The following RORA variants were observed in gnomAD, a reference collection of about 807,000 sequenced individuals.
The protein encoded by RORA is RAR related orphan receptor A, also known as nuclear receptor ROR-alpha.
A neutral mutation model predicts 69.5 loss-of-function variants in RORA; 7 were observed. The ratio of observed to expected loss-of-function variants is 0.10; its 90% confidence interval spans 0.06 to 0.19. The LOEUF is 0.19. Ranked by LOEUF, RORA falls within the 10% of genes least tolerant of loss-of-function variation. The probability of loss-of-function intolerance (pLI) is 1.00; values close to 1 mark genes in which losing one functional copy is unlikely to be tolerated. For synonymous variants in RORA, 261 were observed against 240.8 expected, an observed-to-expected ratio of 1.08 and a Z score of -0.78; for missense variants, 457 against 663.0, an observed-to-expected ratio of 0.69 and a Z score of 3.41.
intron 2 of RORA, among the ~76,000 whole-genome samples, chr15:60,668,577 G>C (rs2070414939): frequency 6.6e-6 from 1 of 152,176 alleles, no homozygotes; most frequent in South Asian, 2.1e-4. Flanking sequence ...TCGGGGGACA[G>C]AGTTTAGTTT....
chr15:60,840,715 C>A (rs1309850522), intron 1 of RORA, among the ~76,000 whole-genome samples: 1 of 152,252 alleles, frequency 6.6e-6, no homozygotes, highest in East Asian at 1.9e-4. Flanking sequence ...CTTACCCAGC[C>A]TCTCTGGACA....
At chr15:60,942,941 G>C (rs1892745187) in intron 1 of RORA, among the ~76,000 whole-genome samples, 1 of 152,220 alleles carries the variant, frequency 6.6e-6, no homozygotes. Context: ...TGAAATTGCA[G>C]CTCACTGAAG....
intron 1 of RORA, among the ~76,000 whole-genome samples, chr15:61,160,553 G>A (rs996931218): frequency 1.3e-4 from 20 of 152,160 alleles, no homozygotes; most frequent in Admixed American, 1.2e-3. Context: ...AAACAACGGC[G>A]AAGAAGGGGA....
intron 1 of RORA, among the ~76,000 whole-genome samples, chr15:60,897,095 C>A (rs1053847974): frequency 2.0e-5 from 3 of 151,848 alleles, no homozygotes; most frequent in Non-Finnish European, 4.4e-5. Flanking sequence ...GTTTAATGGG[C>A]GGTAGTGGGA....
At chr15:60,890,324 C>G (rs2073799697) in intron 1 of RORA, among the ~76,000 whole-genome samples, 1 of 152,166 alleles carries the variant, frequency 6.6e-6, no homozygotes, top group African/African-American at 2.4e-5. Flanking sequence ...CATTTAATGC[C>G]ACTCTTTAAC....
chr15:60,821,447 TC>T (rs2072892845), intron 1 of RORA, among the ~76,000 whole-genome samples: 9 of 152,186 alleles, frequency 5.9e-5, no homozygotes, highest in Non-Finnish European at 1.0e-4. Flanking sequence ...GCCTGCTCCT[TC>T]TTCCTTTCAC....
chr15:61,100,112 C>CTTTT (rs911036920), intron 1 of RORA, among the ~76,000 whole-genome samples: 12 of 119,054 alleles, frequency 1.0e-4, no homozygotes, highest in Non-Finnish European at 1.2e-4. Context: ...GGTCAATTTT[C>CTTTT]TTTTTTTTTT....
intron 2 of RORA, among the ~76,000 whole-genome samples, chr15:60,591,652 G>A (rs1425701418): frequency 6.6e-6 from 1 of 152,178 alleles, no homozygotes; most frequent in Non-Finnish European, 1.5e-5. Context: ...GATCCCGTGG[G>A]CTGCCGAGTT....
At chr15:60,702,271 G>A (rs1004782149) in intron 1 of RORA, among the ~76,000 whole-genome samples, 2 of 152,140 alleles carry the variant, frequency 1.3e-5, no homozygotes, top group Non-Finnish European at 2.9e-5. Context: ...TGTCACCCAG[G>A]CTGGAGTGCA....
intron 1 of RORA, among the ~76,000 whole-genome samples, chr15:61,008,829 A>G (rs139214636): frequency 6.6e-6 from 1 of 152,174 alleles, no homozygotes; most frequent in Admixed American, 6.5e-5. Context: ...ATGTTGATGT[A>G]GAAAAATTGC....
rs2079192249 is a variant in RORA at position 61,131,776 on chromosome 15, G to A, written c.166+97277C>T. Among the ~76,000 whole-genome samples the A allele has an allele frequency of 1.3e-5, 2 of 152,208 alleles. No homozygotes were observed. Among genetic ancestry groups the A allele is most frequent in the African/African-American group, 2.4e-5 (1 of 41,446 alleles). On this transcript the variant is annotated intron_variant, in intron 1 of 10. Transcript: ENST00000335670. This position sits in a 1 kb window ranked among gnomAD's most constrained non-coding sequence, Gnocchi z 4.2. ...GTGGGCAGGGCTGGGGAAGGAGTAGGGCAGGAGTGAGAAAAATGAAACTGG... is the reference window on the plus strand; with the variant it reads ...GTGGGCAGGGCTGGGGAAGGAGTAGAGCAGGAGTGAGAAAAATGAAACTGG...
At chr15:60,739,648 G>A (rs939432271) in intron 1 of RORA, among the ~76,000 whole-genome samples, 2 of 152,058 alleles carry the variant, frequency 1.3e-5, no homozygotes, top group Admixed American at 6.5e-5. Context: ...ACTCAGTCTG[G>A]GGGAAGGTGA....
At chr15:61,087,479 T>C (rs2078641814) in intron 1 of RORA, among the ~76,000 whole-genome samples, 1 of 152,210 alleles carries the variant, frequency 6.6e-6, no homozygotes, top group South Asian at 2.1e-4. Flanking sequence ...CCTATTCTAT[T>C]CAAAGTGCTA....
intron 1 of RORA, among the ~76,000 whole-genome samples, chr15:61,003,223 T>C (rs1203414679): frequency 2.0e-5 from 3 of 152,084 alleles, no homozygotes; most frequent in African/African-American, 7.2e-5. Context: ...ATATAGGCTA[T>C]ATAGTATGCA....
intron 1 of RORA, among the ~76,000 whole-genome samples, chr15:61,032,549 T>G (rs965328250): frequency 1.3e-5 from 2 of 152,170 alleles, no homozygotes. Context: ...CACATGACAA[T>G]CATATGGAGT....
intron 1 of RORA, among the ~76,000 whole-genome samples, chr15:60,770,068 G>C (rs2072050963): frequency 1.3e-5 from 2 of 152,180 alleles, no homozygotes; most frequent in Admixed American, 6.5e-5. Flanking sequence ...TTTTGATTGG[G>C]TAGGAGTGTT....
At chr15:60,851,009 T>G (rs531717479) in intron 1 of RORA, among the ~76,000 whole-genome samples, 28 of 152,194 alleles carry the variant, frequency 1.8e-4, no homozygotes, top group Non-Finnish European at 3.5e-4. Flanking sequence ...TCATTCAGTC[T>G]GTTGCTGAGT....
intron 1 of RORA, among the ~76,000 whole-genome samples, chr15:61,201,830 GCTTA>G: frequency 6.6e-6 from 1 of 152,054 alleles, no homozygotes. Context: ...ACATTTCCAT[GCTTA>G]CTTTTGCAAG....
intron 1 of RORA, among the ~76,000 whole-genome samples, chr15:60,855,785 T>A (rs1159032720): frequency 6.6e-6 from 1 of 152,058 alleles, no homozygotes; most frequent in Non-Finnish European, 1.5e-5. Flanking sequence ...CCCGGCTAAT[T>A]TTTGTATTTT....
Sources: allele counts gnomAD v4.1 joint callset (sites outside exome capture counted in the v4.1 genomes callset), GRCh38; gene constraint gnomAD v4.1.1; non-coding constraint Gnocchi (gnomAD v3.1); transcripts MANE v1.5; gene names NCBI Gene and HGNC (gene_info 2026-07-23, HGNC 2026-07-21).